Variants in FGD1 observed in about 807,000 individuals in gnomAD.
FGD1 encodes FYVE, RhoGEF and PH domain containing 1.
A neutral mutation model predicts 65.0 loss-of-function variants in FGD1; 12 were observed. The ratio of observed to expected loss-of-function variants is 0.18; its 90% CI spans 0.12 to 0.30. The LOEUF (loss-of-function observed/expected upper bound fraction) is 0.30. FGD1 is among the 10% of genes least tolerant of loss of function. FGD1 has a pLI of 1.00. For synonymous variants in FGD1, 333 were observed against 343.9 expected (o/e 0.97, Z 0.35); for missense variants, 542 against 837.6 (o/e 0.65, Z 4.36).
chrX:54,476,892 C>T (rs955415891), intron 1 of FGD1, among the ~76,000 whole-genome samples: 3 of 111,419 alleles, frequency 2.7e-5, no homozygotes, highest in African/African-American at 3.3e-5. Flanking sequence ...AGGCTGGTGT[C>T]GAATTCCTGG....
chrX:54,451,749 C>T (rs1437279821), intron 12 of FGD1, among the ~76,000 whole-genome samples: 2 of 106,896 alleles, frequency 1.9e-5, no homozygotes, highest in Non-Finnish European at 3.9e-5. Flanking sequence ...ATTGGCCGGG[C>T]GTGGTGGCGG....
chrX:54,475,201 C>T (rs1040664225), intron 1 of FGD1, among the ~76,000 whole-genome samples: 1 of 112,390 alleles, frequency 8.9e-6, no homozygotes, highest in East Asian at 2.8e-4. Context: ...CAAAGATTCC[C>T]TGGAGTCCCA....
chrX:54,474,504 G>A (rs939306459), intron 1 of FGD1, among the ~76,000 whole-genome samples: 3 of 112,472 alleles, frequency 2.7e-5, no homozygotes, highest in African/African-American at 9.7e-5. Context: ...GCCCCAGGCC[G>A]AGCGCCCCTC....
At chrX:54,460,067 C>G (rs1037508120) in intron 8 of FGD1, among the ~76,000 whole-genome samples, 1 of 106,370 alleles carries the variant, frequency 9.4e-6, no homozygotes, top group Admixed American at 1.0e-4. Context: ...GAGATTGAGA[C>G]CATCCTGGCT....
rs759728785 is a variant in FGD1, at chrX:54,471,469, C to T, written c.326G>A (p.Arg109Gln). 6 of 1,209,730 alleles carry T rather than the reference C, an allele frequency of 5.0e-6. No homozygotes were observed. The South Asian group carries it at 5.3e-5, about 11-fold the overall frequency. Residue 109 changes from arginine to glutamine, a missense_variant, in exon 2 of 18, where the codon CGG becomes CAG. Physicochemically the swap from Arg to Gln is conservative, Grantham distance 43 (BLOSUM62 1). This residue lies in a region of FGD1 where 297 missense variants were observed against 326.8 expected (regional missense o/e 0.91). Coordinates refer to ENST00000375135, the MANE Select transcript of FGD1 (RefSeq NM_004463.3). ...QPRPGLHQGN[R>Q]ILVKSLSLDP... ...AAGGGACAAACTTTTAACCAGGATC[C>T]GGTTTCCCTGGTGCAGCCCTGCAGG...
intron 13 of FGD1, among the ~76,000 whole-genome samples, chrX:54,449,964 G>A (rs12560189): frequency 2.9e-3 from 324 of 111,043 alleles, no homozygotes; most frequent in Non-Finnish European, 4.8e-3. Flanking sequence ...GGGGGAGGGG[G>A]AGTGGTGGCT....
At chrX:54,447,883 C>G (rs1297753151) in intron 16 of FGD1, among the ~76,000 whole-genome samples, 1 of 111,838 alleles carries the variant, frequency 8.9e-6, no homozygotes, top group African/African-American at 3.3e-5. Flanking sequence ...AATCCCAGCT[C>G]TAGATGAAAA....
intron 1 of FGD1, among the ~76,000 whole-genome samples, chrX:54,493,304 T>C (rs1387852661): frequency 8.9e-6 from 1 of 112,346 alleles, no homozygotes; most frequent in Non-Finnish European, 1.9e-5. Flanking sequence ...GGCACTGCGC[T>C]AGTTGCTGGG....
chrX:54,449,990 G>C (rs970381483), intron 13 of FGD1, among the ~76,000 whole-genome samples: 2 of 111,123 alleles, frequency 1.8e-5, no homozygotes, highest in African/African-American at 6.6e-5. Context: ...ACCTCAGGTG[G>C]CTTTCCTGGC....
At position 54,470,098 on chromosome X, in the gene FGD1, T is replaced by G; in HGVS notation, c.1019A>C (p.Glu340Ala). ...CTCCTCCTCCTCGTCGTCCTCCTCC[T>G]CCAGGTCACTGTCAACCTCTTGGGA... ...PGSQEVDSDL[E>A]EEDDEEEEEE... is the part of the protein sequence containing the mutation. Residue 340 changes from glutamate to alanine, a missense_variant, in exon 4 of 18, where the codon GAG becomes GCG. By Grantham distance (107) the Glu-to-Ala change is moderately radical (BLOSUM62 -1). Coordinates refer to ENST00000375135, the MANE Select transcript of FGD1 (RefSeq NM_004463.3). 6 of 1,210,224 alleles carry G rather than the reference T, an allele frequency of 5.0e-6. No homozygotes were observed. Among genetic ancestry groups the G allele is most frequent in the Non-Finnish European group, 6.7e-6 (6 of 894,825 alleles).
At chrX:54,469,838 A>AGTCCGT (rs1922841952) in intron 4 of FGD1, among the ~76,000 whole-genome samples, 178 bp downstream of exon 4, 1 of 112,100 alleles carries the variant, frequency 8.9e-6, no homozygotes, top group Non-Finnish European at 1.9e-5. Flanking sequence ...CCGTATTACA[A>AGTCCGT]ATAAGGAAAC....
At chrX:54,494,303 T>G (rs1166098918) in intron 1 of FGD1, among the ~76,000 whole-genome samples, 1 of 109,612 alleles carries the variant, frequency 9.1e-6, no homozygotes, top group Non-Finnish European at 1.9e-5. Flanking sequence ...GCCCACCTCT[T>G]CCACCTTTCT....
intron 4 of FGD1, 72 bp downstream of exon 4, chrX:54,469,944 G>A (rs1601955043): frequency 1.1e-6 from 1 of 950,888 alleles, no homozygotes; most frequent in East Asian, 3.1e-5. Flanking sequence ...TGAGCTAGGG[G>A]AAGAATCAAG....
intron 3 of FGD1, 39 bp downstream of exon 3, chrX:54,470,544 C>G (rs754327402): frequency 8.4e-7 from 1 of 1,187,418 alleles, no homozygotes; most frequent in Admixed American, 2.2e-5. Flanking sequence ...TCCCAGGCTC[C>G]CCCTTTCCCC....
rs368646447 is a variant in FGD1 at position 54,449,765 on chromosome X, G to T, written c.2047-5C>A. On this transcript the variant is annotated splice_region_variant and splice_polypyrimidine_tract_variant and intron_variant, in intron 13 of 17. Transcript: ENST00000375135. ...CAGGAGGGTGGAGTTGATGGCCTGG[G>T]GAGGAGGTGTAAGAAATGAGAAGTC... 1.7e-4 allele frequency: 199 copies of T among 1,160,250 alleles called. No individual in the cohort carries two copies. Among genetic ancestry groups the T allele is most frequent in the Non-Finnish European group, 2.3e-4 (194 of 850,937 alleles).
At chrX:54,446,545 C>T in intron 17 of FGD1, 131 bp from the exon 18 acceptor site, 5 of 579,760 alleles carry the variant, frequency 8.6e-6, no homozygotes, top group Middle Eastern at 5.3e-4. Flanking sequence ...AGGAACCTTC[C>T]GTGGCTCCAG....
chrX:54,496,007 G>A lies in FGD1; in HGVS notation c.-575C>T, dbSNP rs1313391156. 1.8e-5 allele frequency: 2 copies of A among 112,925 alleles called. No individual in the cohort carries two copies. Among genetic ancestry groups the A allele is most frequent in the Non-Finnish European group, 3.8e-5 (2 of 53,210 alleles). 9.3% of individuals were successfully genotyped at this position (112,925 alleles called of 1,213,427 possible). On this transcript the variant is annotated 5_prime_UTR_variant, in exon 1 of 18. Transcript: ENST00000375135. Reference sequence around the variant, plus strand: ...GAAGAGAGAACGGCGGTGGCCGGGGGCGCGCGTGTGCGCTGCGCTTGGGCT... The same window carrying A: ...GAAGAGAGAACGGCGGTGGCCGGGGACGCGCGTGTGCGCTGCGCTTGGGCT...
chrX:54,449,018 C>T, intron 15 of FGD1, 51 bp from the exon 16 acceptor site: 1 of 1,202,415 alleles, frequency 8.3e-7, no homozygotes, highest in South Asian at 1.8e-5. Context: ...GTCTTCCCTT[C>T]AGCATACCAA....
intron 1 of FGD1, among the ~76,000 whole-genome samples, chrX:54,490,868 T>C (rs977588433): frequency 2.7e-5 from 3 of 110,714 alleles, no homozygotes; most frequent in Middle Eastern, 4.6e-3. Context: ...TAAATATCTC[T>C]CAGATCTTAC....
Sources: allele counts gnomAD v4.1 joint callset (sites outside exome capture counted in the v4.1 genomes callset), GRCh38; gene constraint gnomAD v4.1.1; regional missense constraint gnomAD v4.1.1; transcripts MANE v1.5; gene names NCBI Gene and HGNC (gene_info 2026-07-23, HGNC 2026-07-21).